Variants in MACROD2 observed in about 807,000 individuals in gnomAD.
MACROD2 encodes ADP-ribose glycohydrolase MACROD2.
In MACROD2, 36 loss-of-function variants were observed where a neutral mutation model predicts 70.4. The observed-to-expected ratio is 0.51, with a 90% CI of 0.39 to 0.68. The LOEUF is 0.68. Ranked by LOEUF, MACROD2 falls within the 30% of genes least tolerant of loss-of-function variation. The pLI is 0.00. For synonymous variants in MACROD2, 172 were observed against 178.8 expected (o/e 0.96, Z 0.30); for missense variants, 496 against 538.4 (o/e 0.92, Z 0.78).
At chr20:15,791,291 A>G (rs989773098) in intron 8 of MACROD2, among the ~76,000 whole-genome samples, 1 of 151,942 alleles carries the variant, frequency 6.6e-6, no homozygotes, top group African/African-American at 2.4e-5. Flanking sequence ...TCTTCTATTT[A>G]TTTTCATTGG....
chr20:14,971,286 G>A (rs2074688788), intron 5 of MACROD2, among the ~76,000 whole-genome samples: 1 of 152,052 alleles, frequency 6.6e-6, no homozygotes, highest in African/African-American at 2.4e-5. Context: ...ACCTTAAGAG[G>A]TGAGTAGTTG....
intron 5 of MACROD2, among the ~76,000 whole-genome samples, chr20:14,937,985 T>C (rs763904028): frequency 2.0e-5 from 3 of 149,590 alleles, no homozygotes; most frequent in South Asian, 2.1e-4. Context: ...GTTCCATCCA[T>C]GTTGCTGCAG....
intron 8 of MACROD2, among the ~76,000 whole-genome samples, chr20:15,851,218 T>C (rs2064294608): frequency 6.6e-6 from 1 of 151,434 alleles, no homozygotes; most frequent in Admixed American, 6.6e-5. Context: ...GAAGCAGGGT[T>C]GGGAGAAGTT....
intron 3 of MACROD2, among the ~76,000 whole-genome samples, chr20:14,156,233 A>G (rs17191389): frequency 0.21 from 31,904 of 152,200 alleles, 3,503 homozygotes; most frequent in Admixed American, 0.25. Flanking sequence ...TATCTATGCA[A>G]GCATGGGGCA....
At chr20:15,063,895 T>C (rs1324633931) in intron 5 of MACROD2, among the ~76,000 whole-genome samples, 1 of 152,200 alleles carries the variant, frequency 6.6e-6, no homozygotes, top group Non-Finnish European at 1.5e-5. Context: ...TTGGAGCTGC[T>C]CCATAATCCA....
intron 3 of MACROD2, among the ~76,000 whole-genome samples, chr20:14,445,401 A>G (rs190180509): frequency 1.3e-5 from 2 of 152,212 alleles, no homozygotes; most frequent in Admixed American, 1.3e-4. Context: ...TAAGGCATCA[A>G]TGTATGTATC....
At chr20:14,576,093 A>C (rs1980582257) in intron 4 of MACROD2, among the ~76,000 whole-genome samples, 1 of 152,202 alleles carries the variant, frequency 6.6e-6, no homozygotes, top group Non-Finnish European at 1.5e-5. Flanking sequence ...AGCATGCATC[A>C]GGAAGAGGTA....
chr20:16,032,686 G>A (rs147992139), intron 15 of MACROD2, among the ~76,000 whole-genome samples: 1,543 of 147,634 alleles, frequency 0.01, 21 homozygotes, highest in African/African-American at 0.035. Flanking sequence ...GAAGAGGGAA[G>A]GAGGGAAAAA....
At chr20:15,598,390 G>C (rs2048773991) in intron 8 of MACROD2, among the ~76,000 whole-genome samples, 1 of 152,122 alleles carries the variant, frequency 6.6e-6, no homozygotes, top group East Asian at 1.9e-4. Context: ...GGGATGATGG[G>C]AGACAAAATT....
At chr20:15,174,028 A>G (rs186296304) in intron 5 of MACROD2, among the ~76,000 whole-genome samples, 4 of 152,324 alleles carry the variant, frequency 2.6e-5, no homozygotes, top group Admixed American at 2.6e-4. Context: ...GTGCAGCATA[A>G]TTTATCACTG....
chr20:15,942,833 A>T (rs936452500), intron 12 of MACROD2, among the ~76,000 whole-genome samples: 1 of 152,180 alleles, frequency 6.6e-6, no homozygotes, highest in African/African-American at 2.4e-5. Context: ...TGCTGTTTAA[A>T]CTCGTCTTAA....
chr20:15,464,157 G>A (rs917662757), intron 7 of MACROD2, among the ~76,000 whole-genome samples: 1 of 152,160 alleles, frequency 6.6e-6, no homozygotes, highest in Non-Finnish European at 1.5e-5. Context: ...CAAGCAATCC[G>A]CATGCGCCAC....
chr20:15,305,374 G>A (rs2077687725), intron 6 of MACROD2, among the ~76,000 whole-genome samples: 1 of 151,870 alleles, frequency 6.6e-6, no homozygotes, highest in South Asian at 2.1e-4. Context: ...AGAATTATCT[G>A]GTTATAATTA....
chr20:14,210,493 G>A (rs1263456572), intron 3 of MACROD2, among the ~76,000 whole-genome samples: 1 of 152,144 alleles, frequency 6.6e-6, no homozygotes, highest in African/African-American at 2.4e-5. Flanking sequence ...AGGTAGATAG[G>A]CTCACCTAGA....
chr20:15,130,250 A>C (rs2076095583), intron 5 of MACROD2, among the ~76,000 whole-genome samples: 1 of 151,978 alleles, frequency 6.6e-6, no homozygotes, highest in African/African-American at 2.4e-5. Flanking sequence ...ACCATTCACC[A>C]TTCATCCATC....
At chr20:14,510,491 T>C (rs1185046765) in intron 4 of MACROD2, among the ~76,000 whole-genome samples, 2 of 151,916 alleles carry the variant, frequency 1.3e-5, no homozygotes, top group South Asian at 4.1e-4. Flanking sequence ...TTTATAATTC[T>C]CCTCTTGAAT....
At chr20:14,375,330 C>A (rs1323368026) in intron 3 of MACROD2, among the ~76,000 whole-genome samples, 1 of 151,956 alleles carries the variant, frequency 6.6e-6, no homozygotes, top group East Asian at 1.9e-4. Flanking sequence ...AAAGCTTTGC[C>A]AGTATGGAAT....
chr20:14,712,063 A>G (rs1168594820), intron 5 of MACROD2, among the ~76,000 whole-genome samples: 1 of 152,132 alleles, frequency 6.6e-6, no homozygotes, highest in Non-Finnish European at 1.5e-5. Flanking sequence ...GATTCAGGCA[A>G]CTTTACATAT....
chr20:15,488,310 G>A (rs551928701), intron 7 of MACROD2, among the ~76,000 whole-genome samples: 25 of 152,150 alleles, frequency 1.6e-4, no homozygotes, highest in Non-Finnish European at 3.1e-4. Context: ...ATGCTAGGCA[G>A]CCTCCTAGGA....
Sources: gnomAD v4.1 joint callset for allele counts (sites outside exome capture counted in the v4.1 genomes callset) on GRCh38, gnomAD v4.1.1 for gene constraint, MANE v1.5 for transcripts, NCBI Gene and HGNC (gene_info 2026-07-23, HGNC 2026-07-21) for gene names.